Variants in NBEA observed in about 807,000 individuals in gnomAD.
The protein encoded by NBEA is lysosomal-trafficking regulator 2.
Under a neutral mutation model 343.4 loss-of-function variants are expected in NBEA, and 44 were observed. That is an observed-to-expected ratio of 0.13 (90% CI 0.10 to 0.16). The LOEUF (loss-of-function observed/expected upper bound fraction) is 0.16, where lower values mean the gene tolerates loss of function less well. NBEA is among the 10% of genes least tolerant of loss of function. The probability of loss-of-function intolerance (pLI) is 1.00; values close to 1 mark genes in which losing one functional copy is unlikely to be tolerated. For missense variants in NBEA, 2,555 were observed against 3,631.3 expected, an observed-to-expected ratio of 0.70 and a Z score of 7.62; for synonymous variants, 1,175 against 1,238.7, an observed-to-expected ratio of 0.95 and a Z score of 1.08.
chr13:34,987,005 T>C (rs1206719576), intron 1 of NBEA, among the ~76,000 whole-genome samples: 1 of 151,030 alleles, frequency 6.6e-6, no homozygotes, highest in Non-Finnish European at 1.5e-5. Flanking sequence ...ATTTAGTCCA[T>C]TTACATTTAA....
chr13:35,595,467 T>C (rs1311522560), intron 47 of NBEA, among the ~76,000 whole-genome samples: 2 of 152,054 alleles, frequency 1.3e-5, no homozygotes, highest in East Asian at 3.9e-4. Context: ...TATATGTTAA[T>C]ACATCTTAGA....
At chr13:35,194,569 A>G (rs368506381) in intron 30 of NBEA, among the ~76,000 whole-genome samples, 5 of 152,130 alleles carry the variant, frequency 3.3e-5, no homozygotes, top group African/African-American at 1.2e-4. Context: ...CAAATAGCTA[A>G]CATTTACTGA....
chr13:35,427,680 G>A, intron 38 of NBEA, among the ~76,000 whole-genome samples: 1 of 152,226 alleles, frequency 6.6e-6, no homozygotes, highest in East Asian at 1.9e-4. Context: ...GGACATTTAA[G>A]TCTGCAGAGG....
At chr13:35,080,126 C>A (rs2064313276) in intron 10 of NBEA, among the ~76,000 whole-genome samples, 1 of 152,054 alleles carries the variant, frequency 6.6e-6, no homozygotes, top group South Asian at 2.1e-4. Context: ...GAGTTGGCAC[C>A]TTCAAATTAT....
chr13:35,576,088 T>A (rs2080724459), intron 45 of NBEA, among the ~76,000 whole-genome samples: 1 of 152,010 alleles, frequency 6.6e-6, no homozygotes, highest in Non-Finnish European at 1.5e-5. Context: ...CAATGAAGAT[T>A]GATAATAGAA....
At chr13:35,227,962 C>CTT (rs775038719) in intron 33 of NBEA, among the ~76,000 whole-genome samples, 8 of 143,216 alleles carry the variant, frequency 5.6e-5, no homozygotes, top group Admixed American at 1.4e-4. Flanking sequence ...GAAAAATCTT[C>CTT]TTTTTTTTTT....
intron 17 of NBEA, among the ~76,000 whole-genome samples, chr13:35,137,821 A>G (rs1300621922): frequency 6.6e-6 from 1 of 152,194 alleles, no homozygotes; most frequent in East Asian, 1.9e-4. Context: ...GAGTTAAAAT[A>G]AAAATCATTT....
intron 38 of NBEA, among the ~76,000 whole-genome samples, chr13:35,358,875 A>T (rs929037325): frequency 7.9e-5 from 12 of 152,226 alleles, no homozygotes; most frequent in African/African-American, 2.7e-4. Flanking sequence ...TTAAGTAAAA[A>T]GATGAGTAGC....
At chr13:35,013,241 G>A (rs747609424) in intron 1 of NBEA, among the ~76,000 whole-genome samples, 5 of 152,034 alleles carry the variant, frequency 3.3e-5, no homozygotes, top group Non-Finnish European at 7.4e-5. Context: ...TTATAGTCCA[G>A]TGTTTGTATA....
intron 1 of NBEA, 77 bp from the exon 2 acceptor site, chr13:35,040,856 T>G: frequency 8.0e-7 from 1 of 1,242,770 alleles, no homozygotes; most frequent in Non-Finnish European, 1.2e-6. Context: ...TAGCTTTGAA[T>G]TCTTGTTATT....
chr13:34,964,601 T>TG (rs2059761799), intron 1 of NBEA, among the ~76,000 whole-genome samples: 2 of 151,972 alleles, frequency 1.3e-5, no homozygotes, highest in Non-Finnish European at 2.9e-5. Flanking sequence ...GTCTGCACTA[T>TG]TGAGAGTGAT....
chr13:34,993,574 A>G (rs1000537852), intron 1 of NBEA, among the ~76,000 whole-genome samples: 3 of 152,186 alleles, frequency 2.0e-5, no homozygotes, highest in African/African-American at 7.2e-5. Flanking sequence ...GACTATCCCT[A>G]CCAGTTCCTA....
intron 39 of NBEA, among the ~76,000 whole-genome samples, chr13:35,445,968 C>T (rs2046009564): frequency 6.6e-6 from 1 of 151,142 alleles, no homozygotes; most frequent in Admixed American, 6.6e-5. Context: ...CCTCCCCCCT[C>T]TCCCCACCCC....
intron 38 of NBEA, among the ~76,000 whole-genome samples, chr13:35,386,045 ATAAT>A (rs2042228263): frequency 6.6e-6 from 1 of 152,160 alleles, no homozygotes; most frequent in South Asian, 2.1e-4. Flanking sequence ...TTCTGAATAT[ATAAT>A]AGAAAACCTA....
chr13:35,532,788 A>G (rs2078330110), intron 41 of NBEA, among the ~76,000 whole-genome samples: 1 of 152,130 alleles, frequency 6.6e-6, no homozygotes, highest in Admixed American at 6.5e-5. Context: ...CTTGGGGATG[A>G]TGGGAGTTGC....
At chr13:35,622,259 G>C (rs1313402564) in intron 48 of NBEA, among the ~76,000 whole-genome samples, 1 of 152,150 alleles carries the variant, frequency 6.6e-6, no homozygotes, top group Non-Finnish European at 1.5e-5. Flanking sequence ...TTTATATCAG[G>C]AAGTCCTGAG....
intron 23 of NBEA, among the ~76,000 whole-genome samples, chr13:35,163,943 A>T (rs1306584929): frequency 1.3e-5 from 2 of 152,100 alleles, no homozygotes; most frequent in African/African-American, 2.4e-5. Context: ...ATTTATGGTT[A>T]TGAAAATTTT....
intron 34 of NBEA, among the ~76,000 whole-genome samples, chr13:35,270,070 G>A (rs1309585617): frequency 2.0e-5 from 3 of 152,102 alleles, no homozygotes; most frequent in African/African-American, 7.2e-5. Context: ...TTGACCTGAT[G>A]TTCTGAGAAC....
intron 24 of NBEA, among the ~76,000 whole-genome samples, chr13:35,168,295 T>C (rs1048080037): frequency 4.6e-5 from 7 of 151,608 alleles, no homozygotes; most frequent in African/African-American, 1.7e-4. Context: ...AAACTAATTC[T>C]ATCTGATATT....
Sources: gnomAD v4.1 joint callset for allele counts (sites outside exome capture counted in the v4.1 genomes callset) on GRCh38, gnomAD v4.1.1 for gene constraint, MANE v1.5 for transcripts, NCBI Gene and HGNC (gene_info 2026-07-23, HGNC 2026-07-21) for gene names.